SGIP1: variants seen among roughly 807,000 people sequenced by gnomAD.
SGIP1 encodes SH3GL interacting endocytic adaptor 1.
Under a neutral mutation model 107.5 loss-of-function variants are expected in SGIP1, and 38 were observed. The observed-to-expected ratio is 0.35, with a 90% CI of 0.27 to 0.46. The LOEUF is 0.46. SGIP1 is among the 20% of genes least tolerant of loss of function. The pLI is 1.00. For missense variants in SGIP1, 929 were observed against 1,019.5 expected (o/e 0.91, Z 1.21); for synonymous variants, 365 against 366.1 (o/e 1.00, Z 0.03).
chr1:66,552,942 A>G (rs1233853213), intron 1 of SGIP1, among the ~76,000 whole-genome samples: 1 of 152,020 alleles, frequency 6.6e-6, no homozygotes, highest in African/African-American at 2.4e-5. Context: ...TCATTCCCTA[A>G]TTTTCAAGCT....
At chr1:66,730,346 A>G (rs1279573736) in intron 20 of SGIP1, among the ~76,000 whole-genome samples, 2 of 152,194 alleles carry the variant, frequency 1.3e-5, no homozygotes, top group African/African-American at 4.8e-5. Flanking sequence ...AGTCACACAA[A>G]CCCACATGCA....
intron 1 of SGIP1, among the ~76,000 whole-genome samples, chr1:66,598,162 G>T (rs960029298): frequency 6.6e-6 from 1 of 152,140 alleles, no homozygotes. Context: ...TGATAGTAAA[G>T]GGGTCTTTTA....
At chr1:66,733,536 G>T (rs371690630) in intron 20 of SGIP1, among the ~76,000 whole-genome samples, 2 of 152,252 alleles carry the variant, frequency 1.3e-5, no homozygotes, top group South Asian at 2.1e-4. Flanking sequence ...CAACACAGTA[G>T]CTCCTCCTCG....
intron 15 of SGIP1, among the ~76,000 whole-genome samples, chr1:66,685,882 A>C (rs961926278): frequency 1.3e-5 from 2 of 152,202 alleles, no homozygotes; most frequent in Non-Finnish European, 2.9e-5. Context: ...GTAATGTTTC[A>C]GGGCTTTTAA....
intron 3 of SGIP1, among the ~76,000 whole-genome samples, chr1:66,635,406 T>G (rs2075586793): frequency 6.6e-6 from 1 of 152,196 alleles, no homozygotes; most frequent in South Asian, 2.1e-4. Context: ...ACACATAGAC[T>G]TGGAACATCA....
chr1:66,675,709 ATT>A (rs35311800), intron 12 of SGIP1, among the ~76,000 whole-genome samples: 1 of 150,108 alleles, frequency 6.7e-6, no homozygotes, highest in South Asian at 2.1e-4. Flanking sequence ...TAATTTTTGT[ATT>A]TTTTGTAGAG....
chr1:66,610,569 A>C (rs2067772602), intron 1 of SGIP1, among the ~76,000 whole-genome samples: 1 of 152,160 alleles, frequency 6.6e-6, no homozygotes, highest in Non-Finnish European at 1.5e-5. Context: ...CTTCAGTGGA[A>C]ACTGATTAAA....
chr1:66,641,615 C>A (rs1478178226), intron 5 of SGIP1, among the ~76,000 whole-genome samples: 1 of 152,134 alleles, frequency 6.6e-6, no homozygotes, highest in Non-Finnish European at 1.5e-5. Flanking sequence ...TATTTTCCCC[C>A]TTGATAAATG....
At chr1:66,630,856 A>AG (rs1491271156) in intron 2 of SGIP1, among the ~76,000 whole-genome samples, 5 of 38,124 alleles carry the variant, frequency 1.3e-4, no homozygotes, top group African/African-American at 7.5e-4. Flanking sequence ...AGAAAGAAAG[A>AG]AAGAAAGAAA....
Position 66,745,628 on chromosome 1 carries a change from A to C in SGIP1, c.*2533A>C, listed in dbSNP as rs750367518. 6.6e-6 allele frequency: 1 copy of C among 152,108 alleles called. No homozygotes were observed. Among genetic ancestry groups the C allele is most frequent in the Non-Finnish European group, 1.5e-5 (1 of 67,940 alleles). The allele number at this position is 152,108 out of a possible 1,614,324, so 9.4% of individuals were successfully genotyped here. A position where few individuals can be genotyped will look rare whatever the true frequency, so the allele number is the denominator to read the frequency against. Reference sequence around the variant, plus strand: ...TTCATTTTATTCCCAAGTCAGAACAAAATGAACTAGTAGGTAATAAAACTA... The same window carrying C: ...TTCATTTTATTCCCAAGTCAGAACACAATGAACTAGTAGGTAATAAAACTA... On this transcript the variant is annotated 3_prime_UTR_variant, in exon 25 of 25. Coordinates refer to ENST00000371037, the MANE Select transcript of SGIP1 (RefSeq NM_032291.4).
At chr1:66,594,646 T>G (rs889443889) in intron 1 of SGIP1, among the ~76,000 whole-genome samples, 3 of 152,020 alleles carry the variant, frequency 2.0e-5, no homozygotes, top group Non-Finnish European at 4.4e-5. Flanking sequence ...TATAAAGATT[T>G]GAATATAAAA....
At position 66,719,291 on chromosome 1, in the gene SGIP1, C is replaced by A; in HGVS notation, c.1631-3C>A. The A allele has an allele frequency of 1.3e-6, 2 of 1,598,646 alleles. No individual in the cohort carries two copies. Among genetic ancestry groups the A allele is most frequent in the Non-Finnish European group, 1.7e-6 (2 of 1,171,626 alleles). ...ATAAATGAAAATTTTTCATTTCATG[C>A]AGGTTCTTCCAGGGGACCCAGCCCC... On this transcript the variant is annotated splice_region_variant and splice_polypyrimidine_tract_variant and intron_variant, in intron 18 of 24. Transcript: ENST00000371037.
At chr1:66,731,844 C>A (rs1405681198) in intron 20 of SGIP1, among the ~76,000 whole-genome samples, 2 of 152,188 alleles carry the variant, frequency 1.3e-5, no homozygotes, top group African/African-American at 4.8e-5. Context: ...AGTTTGCAAT[C>A]CCTATGACAG....
At chr1:66,732,484 T>C (rs1301907689) in intron 20 of SGIP1, among the ~76,000 whole-genome samples, 1 of 152,172 alleles carries the variant, frequency 6.6e-6, no homozygotes, top group Non-Finnish European at 1.5e-5. Context: ...TTCCTCCATT[T>C]CCAGGGCCAA....
At chr1:66,681,146 A>G (rs933896923) in intron 14 of SGIP1, among the ~76,000 whole-genome samples, 5 of 152,196 alleles carry the variant, frequency 3.3e-5, no homozygotes, top group African/African-American at 2.4e-5. Flanking sequence ...TTAAGCAGGT[A>G]TATATGTAAC....
At position 66,635,926 on chromosome 1, in the gene SGIP1, G is replaced by T; in HGVS notation, c.100-18G>T. Reference sequence around the variant, plus strand: ...ATCTTTTAACCACTTTTTTCTACATGAAAACAATCAATTCCAGCAGCCCAG... The same window carrying T: ...ATCTTTTAACCACTTTTTTCTACATTAAAACAATCAATTCCAGCAGCCCAG... On this transcript the variant is annotated intron_variant, in intron 3 of 24. Coordinates refer to ENST00000371037, the MANE Select transcript of SGIP1 (RefSeq NM_032291.4). The T allele has an allele frequency of 6.2e-7, 1 of 1,612,826 alleles. No homozygotes were observed. The highest frequency in any genetic ancestry group is 1.1e-5 in the South Asian group (1 of 90,896).
At chr1:66,733,064 G>A (rs768215406) in intron 20 of SGIP1, among the ~76,000 whole-genome samples, 3 of 152,162 alleles carry the variant, frequency 2.0e-5, no homozygotes, top group Non-Finnish European at 2.9e-5. Flanking sequence ...AGGCCTCTGA[G>A]CAAAGCTAAG....
chr1:66,576,025 G>A (rs1417915281), intron 1 of SGIP1, among the ~76,000 whole-genome samples: 1 of 152,216 alleles, frequency 6.6e-6, no homozygotes, highest in Non-Finnish European at 1.5e-5. Context: ...TGAAGATGGA[G>A]AGATCCAAAG....
intron 1 of SGIP1, among the ~76,000 whole-genome samples, chr1:66,578,468 G>A (rs900113907): frequency 1.3e-5 from 2 of 152,142 alleles, no homozygotes; most frequent in African/African-American, 4.8e-5. Context: ...TATGTGTGAA[G>A]CATTTCATAA....
Sources: gnomAD v4.1 joint callset for allele counts (sites outside exome capture counted in the v4.1 genomes callset) on GRCh38, gnomAD v4.1.1 for gene constraint, MANE v1.5 for transcripts, NCBI Gene and HGNC (gene_info 2026-07-23, HGNC 2026-07-21) for gene names.